LRRK1: variants seen among roughly 807,000 people sequenced by gnomAD.
The protein encoded by LRRK1 is leucine-rich repeat serine/threonine-protein kinase 1.
LRRK1 carries 113 observed loss-of-function variants against 209.1 expected under a neutral mutation model. That is an observed-to-expected ratio of 0.54 (90% confidence interval 0.46 to 0.63). The LOEUF (loss-of-function observed/expected upper bound fraction) is 0.63, where lower values mean the gene tolerates loss of function less well. Ranked by LOEUF, LRRK1 falls within the 30% of genes least tolerant of loss-of-function variation. LRRK1 has a pLI of 0.00. For missense variants in LRRK1, 2,284 were observed against 2,632.2 expected (o/e 0.87, Z 2.89); for synonymous variants, 1,144 against 1,099.7 (o/e 1.04, Z -0.80).
chr15:100,941,458 A>ATG (rs1158448324), intron 2 of LRRK1, among the ~76,000 whole-genome samples: 5 of 45,816 alleles, frequency 1.1e-4, no homozygotes, highest in African/African-American at 2.6e-4. Context: ...GTGTGTGTCT[A>ATG]TGTCTCTGTG....
At chr15:101,008,756 A>G in intron 6 of LRRK1, 81 bp from the exon 7 acceptor site, 1 of 1,109,270 alleles carries the variant, frequency 9.0e-7, no homozygotes, top group Admixed American at 1.8e-5. Flanking sequence ...GCGCATTTGC[A>G]TTAACCCTTG....
rs990313976 is a variant in LRRK1, at chr15:101,074,861, T to C, written c.*6013T>C. On this transcript the variant is annotated 3_prime_UTR_variant, in exon 34 of 34. Transcript: ENST00000388948. ...GCCAAGGAATGCCTGCAGCCCAGGATTCCTCCTAAGCCGTGTCCCATCTGT... is the reference window on the plus strand; with the variant it reads ...GCCAAGGAATGCCTGCAGCCCAGGACTCCTCCTAAGCCGTGTCCCATCTGT... The C allele has an allele frequency of 1.3e-5, 2 of 151,992 alleles. No homozygotes were observed. The highest frequency in any genetic ancestry group is 4.8e-5 in the African/African-American group (2 of 41,332). 9.4% of individuals were successfully genotyped at this position (151,992 alleles called of 1,614,324 possible).
chr15:100,960,078 C>G (rs1394059839), intron 2 of LRRK1, among the ~76,000 whole-genome samples: 1 of 152,064 alleles, frequency 6.6e-6, no homozygotes, highest in Non-Finnish European at 1.5e-5. Flanking sequence ...AGAGAAATAA[C>G]TGGAAAATAG....
chr15:100,944,117 CAG>C (rs1264502392), intron 2 of LRRK1, among the ~76,000 whole-genome samples: 1 of 152,158 alleles, frequency 6.6e-6, no homozygotes, highest in African/African-American at 2.4e-5. Flanking sequence ...CAGACATTCT[CAG>C]AGTGTTTCAG....
chr15:100,978,086 A>C (rs2031394138), intron 3 of LRRK1, among the ~76,000 whole-genome samples: 2 of 152,064 alleles, frequency 1.3e-5, no homozygotes, highest in South Asian at 4.1e-4. Context: ...TGAAATTTTA[A>C]AATTAAAAAA....
Position 100,942,021 on chromosome 15 carries a change from AC to A in LRRK1, c.97+17293del, listed in dbSNP as rs779296420. 6.8e-4 allele frequency among the ~76,000 whole-genome samples: 104 copies of A among 152,246 alleles called. 1 individual carries two copies. Among genetic ancestry groups the A allele is most frequent in the Non-Finnish European group, 1.2e-3 (83 of 68,010 alleles). ...CAGTGGATTCCGGTCTTCTCAGGTC[AC>A]TTCTTTTCCCATGCTAATAAGGCTT... is the stretch of plus-strand genomic sequence containing the variant. On this transcript the variant is annotated intron_variant, in intron 2 of 33. Coordinates refer to ENST00000388948, the MANE Select transcript of LRRK1 (RefSeq NM_024652.6).
At chr15:100,965,378 G>A (rs1177937376) in intron 2 of LRRK1, among the ~76,000 whole-genome samples, 7 of 152,152 alleles carry the variant, frequency 4.6e-5, no homozygotes, top group African/African-American at 1.4e-4. Flanking sequence ...ACTAAATGGT[G>A]TTCAGGTCCT....
intron 2 of LRRK1, among the ~76,000 whole-genome samples, chr15:100,935,516 A>G (rs1244837550): frequency 3.9e-5 from 6 of 152,134 alleles, no homozygotes; most frequent in African/African-American, 1.4e-4. Flanking sequence ...AGGAGTGTAG[A>G]TTTTGTTCCA....
intron 26 of LRRK1, 27 bp downstream of exon 26, chr15:101,053,447 C>T (rs768024825): frequency 6.5e-7 from 1 of 1,539,278 alleles, no homozygotes; most frequent in East Asian, 2.4e-5. Flanking sequence ...CCCCACCCGG[C>T]CCCGGAGACC....
intron 31 of LRRK1, among the ~76,000 whole-genome samples, chr15:101,063,779 ACTCTT>A (rs911444305): frequency 6.6e-5 from 10 of 151,144 alleles, no homozygotes; most frequent in Admixed American, 5.3e-4. Context: ...AAATACATGA[ACTCTT>A]CTCTTCACCC....
At chr15:101,015,133 A>G (rs1411468356) in intron 11 of LRRK1, among the ~76,000 whole-genome samples, 193 bp from the exon 12 acceptor site, 2 of 152,208 alleles carry the variant, frequency 1.3e-5, no homozygotes, top group African/African-American at 4.8e-5. Flanking sequence ...TTGCACCCCA[A>G]GGAGGACCTC....
intron 20 of LRRK1, among the ~76,000 whole-genome samples, chr15:101,037,510 G>C (rs1014413201): frequency 5.3e-5 from 8 of 152,176 alleles, no homozygotes; most frequent in African/African-American, 1.9e-4. Flanking sequence ...ACCAGCCATG[G>C]TAGGCAGGAG....
At chr15:100,983,852 G>A (rs1305742464) in intron 4 of LRRK1, 153 bp downstream of exon 4, 6 of 810,388 alleles carry the variant, frequency 7.4e-6, no homozygotes, top group African/African-American at 6.7e-5. Flanking sequence ...AAGCTTGCCT[G>A]CCAGCCACAT....
chr15:100,941,306 G>GTGTGTGTCTGTGTCTC lies in LRRK1; in HGVS notation c.97+16590_97+16591insCTCTGTGTGTCTGTGT, dbSNP rs1156532364. ...TGTGTGTGTCTGTGTGTGTCTATGT[G>GTGTGTGTCTGTGTCTC]TGTGTGTCTGTGTGTGTGTGTCTGT... On this transcript the variant is annotated intron_variant, in intron 2 of 33. Transcript: ENST00000388948. Among the ~76,000 whole-genome samples the GTGTGTGTCTGTGTCTC allele has an allele frequency of 7.5e-4, 105 of 140,610 alleles. 9 individuals carry two copies. The highest frequency in any genetic ancestry group is 2.8e-3 in the African/African-American group (97 of 34,606). The allele number at this position is 140,610 out of a possible 152,430, so 92.2% of individuals were successfully genotyped here.
chr15:101,068,687 GCC>G lies in LRRK1; in HGVS notation c.5888_5889del (p.Ala1963GlyfsTer12). Reference protein sequence around the residue: ...LTPHGVLVDAAVVAKDTVVCT... With the variant: ...LTPHGVLVDAXVVAKDTVVCT... ...TCTCTGCAGGGTGCTGGTGGATGCT[GCC>G]GTGGTGGCAAAGGACACTGTTGTGT... On this transcript the variant is annotated frameshift_variant, in exon 34 of 34. Coordinates refer to ENST00000388948, the MANE Select transcript of LRRK1 (RefSeq NM_024652.6). LOFTEE classifies it high-confidence loss of function. The G allele has an allele frequency of 6.2e-7, 1 of 1,601,962 alleles. No individual in the cohort carries two copies.
chr15:100,981,379 A>G (rs1378458195), intron 3 of LRRK1, among the ~76,000 whole-genome samples: 3 of 152,200 alleles, frequency 2.0e-5, no homozygotes, highest in Non-Finnish European at 4.4e-5. Flanking sequence ...TGACAGGGCT[A>G]CTGGGCCTCA....
At chr15:101,055,747 A>G (rs148447733) in intron 27 of LRRK1, among the ~76,000 whole-genome samples, 38 of 152,340 alleles carry the variant, frequency 2.5e-4, no homozygotes, top group African/African-American at 8.4e-4. Context: ...GACAATGACT[A>G]AATGTTGATC....
chr15:100,983,786 T>A (rs1156345530), intron 4 of LRRK1, 87 bp downstream of exon 4: 1 of 1,296,484 alleles, frequency 7.7e-7, no homozygotes, highest in Admixed American at 1.7e-5. Context: ...CTTCATGCTT[T>A]CACCAATAAT....
chr15:101,000,086 T>C (rs1214776354), intron 6 of LRRK1, among the ~76,000 whole-genome samples: 1 of 152,260 alleles, frequency 6.6e-6, no homozygotes, highest in Non-Finnish European at 1.5e-5. Flanking sequence ...TTCAGTCTTT[T>C]ATTTAAGTGG....
Sources: allele counts gnomAD v4.1 joint callset (sites outside exome capture counted in the v4.1 genomes callset), GRCh38; gene constraint gnomAD v4.1.1; transcripts MANE v1.5; gene names NCBI Gene and HGNC (gene_info 2026-07-23, HGNC 2026-07-21).